The following ARHGEF4 variants were observed in gnomAD, a reference collection of about 807,000 sequenced individuals.
ARHGEF4 encodes the protein APC-stimulated guanine nucleotide exchange factor 1.
A neutral mutation model predicts 162.0 loss-of-function variants in ARHGEF4; 119 were observed. The ratio of observed to expected loss-of-function variants is 0.73; its 90% CI spans 0.63 to 0.86. The LOEUF (loss-of-function observed/expected upper bound fraction) is 0.86, where lower values mean the gene tolerates loss of function less well. ARHGEF4 is among the 40% of genes least tolerant of loss of function. The pLI is 0.00. For missense variants in ARHGEF4, 2,488 were observed against 2,456.0 expected, an observed-to-expected ratio of 1.01 and a Z score of -0.28; for synonymous variants, 1,014 against 979.9, an observed-to-expected ratio of 1.03 and a Z score of -0.65.
Position 131,038,872 on chromosome 2 carries a change from T to A in ARHGEF4, c.4145T>A (p.Val1382Glu), listed in dbSNP as rs1353492711. The change falls in exon 6 of 14, where the codon GTG becomes GAG. Residue 1382 changes from valine (V) to glutamate (E), a missense_variant. Val to Glu is a moderately radical substitution (Grantham distance 121, BLOSUM62 -2). This residue lies in a region of ARHGEF4 where 5 missense variants were observed against 18.5 expected (regional missense o/e 0.27). Coordinates refer to ENST00000409359, the MANE Select transcript of ARHGEF4 (RefSeq NM_001367493.1). ...CGGCAGCTCATCAGCGATGGCAGTG[T>A]GGTCTGCGCTGAAGCACTCTGGGAC... ...AINELISDGS[V>E]VCAEALWDHV... 2.5e-6 allele frequency: 4 copies of A among 1,610,822 alleles called. No individual in the cohort carries two copies. The highest frequency in any genetic ancestry group is 3.4e-6 in the Non-Finnish European group (4 of 1,178,796).
intron 1 of ARHGEF4, among the ~76,000 whole-genome samples, chr2:130,856,886 C>A (rs1681828737): frequency 6.6e-6 from 1 of 152,142 alleles, no homozygotes. Flanking sequence ...TAGCAGGTGG[C>A]AACCCAAATC....
chr2:131,025,512 A>G (rs1689422531), intron 4 of ARHGEF4, among the ~76,000 whole-genome samples: 1 of 152,102 alleles, frequency 6.6e-6, no homozygotes, highest in African/African-American at 2.4e-5. Flanking sequence ...GGAACTTGCC[A>G]TTTGCCACCC....
intron 1 of ARHGEF4, among the ~76,000 whole-genome samples, chr2:130,911,176 T>C (rs1480661863): frequency 1.3e-5 from 2 of 152,132 alleles, no homozygotes; most frequent in African/African-American, 4.8e-5. Context: ...AACACCATCC[T>C]CCCCTCCTGA....
At chr2:130,901,817 G>A (rs770040805) in intron 1 of ARHGEF4, among the ~76,000 whole-genome samples, 31 of 152,106 alleles carry the variant, frequency 2.0e-4, no homozygotes, top group Non-Finnish European at 1.8e-4. Context: ...CACCGTGCCC[G>A]GCCTGAGTCC....
rs538722991 is a variant in ARHGEF4 at position 130,916,700 on chromosome 2, C to T, written c.2754C>T (p.Asn918=). 1.3e-6 allele frequency: 2 copies of T among 1,550,668 alleles called. No individual in the cohort carries two copies. Among genetic ancestry groups the T allele is most frequent in the South Asian group, 2.4e-5 (2 of 84,060 alleles). ...RLALAHKTFS[N]FIESIVLEKE... ...CCTTGGCTCATAAGACCTTTTCAAA[C>T]TTTATTGAGTCAATAGTTCTAGAGA... Residue 918 remains asparagine (N), a synonymous_variant, in exon 2 of 14, where the codon AAC becomes AAT. Transcript: ENST00000409359.
intron 3 of ARHGEF4, among the ~76,000 whole-genome samples, chr2:130,932,432 C>A (rs777077054): frequency 1.3e-5 from 2 of 152,218 alleles, no homozygotes; most frequent in African/African-American, 2.4e-5. Context: ...TGGTCTCGAA[C>A]TCCTGGCCTC....
rs752929676 is a variant in ARHGEF4, at chr2:131,044,317, G to A, written c.5176G>A (p.Val1726Met). ...YCKKDLLRRDVLYYKGRLDMD... is the reference protein window; with the variant it reads ...YCKKDLLRRDMLYYKGRLDMD... ...CTGGCAGGACCTGCTCCGCCGCGAC[G>A]TGTTGTACTACAAGGGCCGGCTGGA... Residue 1726 changes from valine to methionine, a missense_variant, in exon 12 of 14, where the codon GTG becomes ATG. Transcript: ENST00000409359. 1.2e-5 allele frequency: 20 copies of A among 1,610,626 alleles called. No individual in the cohort carries two copies. The highest frequency in any genetic ancestry group is 1.1e-4 in the East Asian group (5 of 44,822).
intron 1 of ARHGEF4, among the ~76,000 whole-genome samples, chr2:130,897,182 G>A (rs567960170): frequency 4.5e-4 from 69 of 152,258 alleles, no homozygotes; most frequent in African/African-American, 1.6e-3. Flanking sequence ...AACCAACAGC[G>A]CACACAGTAA....
chr2:130,875,125 C>T (rs1311938161), intron 1 of ARHGEF4, among the ~76,000 whole-genome samples: 1 of 152,042 alleles, frequency 6.6e-6, no homozygotes, highest in Non-Finnish European at 1.5e-5. Context: ...TCCCTTGTTC[C>T]CTTTGTATTC....
At chr2:130,870,384 CA>C (rs1422317564) in intron 1 of ARHGEF4, among the ~76,000 whole-genome samples, 1 of 152,140 alleles carries the variant, frequency 6.6e-6, no homozygotes, top group Non-Finnish European at 1.5e-5. Context: ...ATGAAGTGTA[CA>C]GGGGCAGGGC....
intron 4 of ARHGEF4, among the ~76,000 whole-genome samples, chr2:131,023,550 G>C (rs1037126612): frequency 1.9e-4 from 29 of 152,200 alleles, no homozygotes; most frequent in African/African-American, 6.8e-4. Context: ...TTGACACCAT[G>C]ATGAGATATC....
intron 1 of ARHGEF4, among the ~76,000 whole-genome samples, chr2:130,873,404 C>T (rs557747073): frequency 6.6e-5 from 10 of 152,088 alleles, no homozygotes; most frequent in East Asian, 1.9e-4. Flanking sequence ...GCCTGGCCAA[C>T]GTGGTGAAAC....
Position 130,914,230 on chromosome 2 carries a change from C to A in ARHGEF4, c.284C>A (p.Thr95Asn). The A allele has an allele frequency of 1.3e-6, 2 of 1,536,060 alleles. No homozygotes were observed. Among genetic ancestry groups the A allele is most frequent in the Non-Finnish European group, 1.7e-6 (2 of 1,146,888 alleles). Residue 95 changes from threonine (T) to asparagine (N), a missense_variant, in exon 2 of 14, where the codon ACT becomes AAT. Physicochemically the swap from Thr to Asn is moderately conservative, Grantham distance 65. Coordinates refer to ENST00000409359, the MANE Select transcript of ARHGEF4 (RefSeq NM_001367493.1). ...PRGVFHPLRGTPVDIEAPWEY... is the reference protein window; with the variant it reads ...PRGVFHPLRGNPVDIEAPWEY... Reference sequence around the variant, plus strand: ...GGAGTCTTCCACCCTCTAAGAGGTACTCCCGTAGATATAGAAGCACCTTGG... The same window carrying A: ...GGAGTCTTCCACCCTCTAAGAGGTAATCCCGTAGATATAGAAGCACCTTGG...
chr2:130,964,125 G>A (rs1467462088), intron 4 of ARHGEF4: 5 of 971,366 alleles, frequency 5.1e-6, no homozygotes, highest in Non-Finnish European at 6.1e-6. Context: ...GCAGCGCCGG[G>A]CTGTCCCCGG....
intron 4 of ARHGEF4, among the ~76,000 whole-genome samples, chr2:131,000,823 A>T (rs971604102): frequency 6.6e-6 from 1 of 152,224 alleles, no homozygotes; most frequent in Non-Finnish European, 1.5e-5. Flanking sequence ...AAAGCCTATT[A>T]TAAAGGAAAA....
rs376557347 is a variant in ARHGEF4 at position 131,044,485 on chromosome 2, C to T, written c.5344C>T (p.Arg1782Cys). Reference protein sequence around the residue: ...LCTRKPEQKQRWLKAFARERE... With the variant: ...LCTRKPEQKQCWLKAFARERE... Reference sequence around the variant, plus strand: ...CACCAGGAAGCCCGAGCAGAAGCAGCGCTGGCTCAAGGCCTTTGCCAGGGA... The same window carrying T: ...CACCAGGAAGCCCGAGCAGAAGCAGTGCTGGCTCAAGGCCTTTGCCAGGGA... Residue 1782 changes from arginine to cysteine, a missense_variant, in exon 12 of 14, where the codon CGC becomes TGC. Transcript: ENST00000409359. 8 of 1,552,762 alleles carry T rather than the reference C, an allele frequency of 5.2e-6. No individual in the cohort carries two copies. The highest frequency in any genetic ancestry group is 4.9e-5 in the East Asian group (2 of 41,056).
chr2:131,021,024 T>C (rs998193454), intron 4 of ARHGEF4, among the ~76,000 whole-genome samples: 1 of 152,224 alleles, frequency 6.6e-6, no homozygotes, highest in African/African-American at 2.4e-5. Flanking sequence ...CTGCCCACTT[T>C]TTGATGGGGT....
chr2:130,873,444 C>T (rs1312476194), intron 1 of ARHGEF4, among the ~76,000 whole-genome samples: 1 of 151,966 alleles, frequency 6.6e-6, no homozygotes, highest in Non-Finnish European at 1.5e-5. Context: ...CAAAAATTAG[C>T]TGGGCATGGT....
chr2:130,930,955 C>T lies in ARHGEF4; in HGVS notation c.3556C>T (p.His1186Tyr). ...ACCCGTTCTCTCTGCTCTCCAGAAC[C>T]ACATGCCCTGGGAAGAACCAGCAGG... ...WLRDLPGSEN[H>Y]MPWEEPAGEK... The change falls in exon 3 of 14, where the codon CAC (histidine) becomes TAC (tyrosine). Residue 1186 changes from histidine to tyrosine, a missense_variant. Physicochemically the swap from His to Tyr is moderately conservative, Grantham distance 83. Transcript: ENST00000409359. The T allele has an allele frequency of 6.2e-7, 1 of 1,604,878 alleles. No homozygotes were observed. The highest frequency in any genetic ancestry group is 8.5e-7 in the Non-Finnish European group (1 of 1,173,196).
Sources: gnomAD v4.1 joint callset for allele counts (sites outside exome capture counted in the v4.1 genomes callset) on GRCh38, gnomAD v4.1.1 for gene constraint, gnomAD v4.1.1 regional missense constraint, MANE v1.5 for transcripts, NCBI Gene and HGNC (gene_info 2026-07-23, HGNC 2026-07-21) for gene names.